NBAS: variants seen among roughly 807,000 people sequenced by gnomAD.
The protein encoded by NBAS is NBAS subunit of NRZ tethering complex.
In NBAS, 219 loss-of-function variants were observed where a neutral mutation model predicts 302.5. The ratio of observed to expected loss-of-function variants is 0.72; its 90% CI spans 0.65 to 0.81. The LOEUF is 0.81. Ranked by LOEUF, NBAS falls within the 30% of genes least tolerant of loss-of-function variation. The probability of loss-of-function intolerance (pLI) is 0.00; values close to 1 mark genes in which losing one functional copy is unlikely to be tolerated. For missense variants in NBAS, 2,932 were observed against 2,841.6 expected, an observed-to-expected ratio of 1.03 and a Z score of -0.72; for synonymous variants, 1,118 against 1,021.6, an observed-to-expected ratio of 1.09 and a Z score of -1.80.
chr2:15,141,421 C>A, the NBAS span, among the ~76,000 whole-genome samples: 1 of 152,192 alleles, frequency 6.6e-6, no homozygotes, highest in South Asian at 2.1e-4. Context: ...CAGGCAGATT[C>A]GTGGTCTTAT....
chr2:14,980,177 G>A, the NBAS span, among the ~76,000 whole-genome samples: 1 of 152,060 alleles, frequency 6.6e-6, no homozygotes, highest in African/African-American at 2.4e-5. Flanking sequence ...CCAGGCAAAA[G>A]CACATGGATG....
At chr2:15,451,244 G>A (rs375844172) in intron 21 of NBAS, among the ~76,000 whole-genome samples, 45 of 152,098 alleles carry the variant, frequency 3.0e-4, no homozygotes, top group African/African-American at 8.9e-4. Flanking sequence ...TAGAGACAGC[G>A]TCTTACTACA....
chr2:14,783,859 T>C, the NBAS span, among the ~76,000 whole-genome samples: 1 of 151,338 alleles, frequency 6.6e-6, no homozygotes, highest in East Asian at 2.0e-4. Context: ...CTGGGTCAAA[T>C]GGTATTTCTA....
chr2:15,100,466 AG>A, the NBAS span, among the ~76,000 whole-genome samples: 1 of 152,224 alleles, frequency 6.6e-6, no homozygotes, highest in East Asian at 1.9e-4. Context: ...TATATATAAC[AG>A]GAAAAGGGAA....
At chr2:14,798,319 G>T in the NBAS span, among the ~76,000 whole-genome samples, 1 of 152,202 alleles carries the variant, frequency 6.6e-6, no homozygotes, top group East Asian at 1.9e-4. Flanking sequence ...ATTTTGTCAA[G>T]TGTTTTTTCT....
At chr2:15,555,378 T>C (rs1455797317) in intron 3 of NBAS, among the ~76,000 whole-genome samples, 1 of 152,002 alleles carries the variant, frequency 6.6e-6, no homozygotes, top group Non-Finnish European at 1.5e-5. Context: ...AACATGTATG[T>C]GAATACTACC....
chr2:14,811,829 T>C, the NBAS span, among the ~76,000 whole-genome samples: 6 of 152,140 alleles, frequency 3.9e-5, no homozygotes, highest in Non-Finnish European at 2.9e-5. Context: ...GTTAGCAGAA[T>C]AGAACTGACA....
the NBAS span, among the ~76,000 whole-genome samples, chr2:14,785,761 G>A: frequency 6.6e-6 from 1 of 152,178 alleles, no homozygotes; most frequent in African/African-American, 2.4e-5. Context: ...TGTTCATCAA[G>A]GATATTGGTC....
intron 9 of NBAS, among the ~76,000 whole-genome samples, chr2:15,511,834 G>A (rs938256989): frequency 5.3e-5 from 8 of 152,192 alleles, no homozygotes; most frequent in Admixed American, 3.9e-4. Flanking sequence ...TGGTAGTTTA[G>A]CTGCACACTA....
chr2:14,999,204 C>T, the NBAS span, among the ~76,000 whole-genome samples: 8 of 152,122 alleles, frequency 5.3e-5, no homozygotes, highest in South Asian at 6.2e-4. Flanking sequence ...TTCCCTCTCT[C>T]GGTGGAGAAG....
chr2:14,961,850 C>T, the NBAS span, among the ~76,000 whole-genome samples: 1 of 152,128 alleles, frequency 6.6e-6, no homozygotes, highest in Non-Finnish European at 1.5e-5. Flanking sequence ...ACAATGTTGG[C>T]TCACTGCAAC....
chr2:15,058,694 A>G, the NBAS span, among the ~76,000 whole-genome samples: 1 of 152,112 alleles, frequency 6.6e-6, no homozygotes. Flanking sequence ...AGCAGCTGGG[A>G]TTATGGGGTC....
intron 38 of NBAS, among the ~76,000 whole-genome samples, chr2:15,318,954 T>C (rs895407865): frequency 1.3e-5 from 2 of 152,022 alleles, no homozygotes; most frequent in Non-Finnish European, 2.9e-5. Flanking sequence ...ACATTCTTCT[T>C]GCACCACATC....
chr2:15,160,136 A>G, the NBAS span, among the ~76,000 whole-genome samples: 35 of 152,228 alleles, frequency 2.3e-4, no homozygotes, highest in East Asian at 5.0e-3. Context: ...TGGGGATGAC[A>G]AGGTTGGAGT....
At chr2:14,995,788 C>A in the NBAS span, among the ~76,000 whole-genome samples, 7 of 152,142 alleles carry the variant, frequency 4.6e-5, 1 homozygote, top group African/African-American at 1.4e-4. Context: ...CAGGCATGAT[C>A]ATAGCTCATG....
chr2:15,068,985 G>A, the NBAS span, among the ~76,000 whole-genome samples: 2 of 152,072 alleles, frequency 1.3e-5, no homozygotes, highest in Non-Finnish European at 2.9e-5. Context: ...CACATGGTTG[G>A]GGGGGCTTAG....
At chr2:15,511,080 G>T (rs1194812243) in intron 10 of NBAS, 132 bp downstream of exon 10, 14 of 1,097,418 alleles carry the variant, frequency 1.3e-5, no homozygotes, top group Non-Finnish European at 1.8e-5. Flanking sequence ...AATTATACCA[G>T]CATTAATTCA....
chr2:15,390,181 C>A (rs1257282274), intron 28 of NBAS, among the ~76,000 whole-genome samples: 1 of 152,188 alleles, frequency 6.6e-6, no homozygotes, highest in Non-Finnish European at 1.5e-5. Context: ...TCAAGACACA[C>A]AGGCATTAAG....
chr2:15,013,537 C>A, the NBAS span, among the ~76,000 whole-genome samples: 2 of 152,122 alleles, frequency 1.3e-5, no homozygotes, highest in Admixed American at 1.3e-4. Flanking sequence ...GTAATCCCAA[C>A]ACTTTAGAAG....
Sources: allele counts gnomAD v4.1 joint callset (sites outside exome capture counted in the v4.1 genomes callset), GRCh38; gene constraint gnomAD v4.1.1; transcripts MANE v1.5; gene names NCBI Gene and HGNC (gene_info 2026-07-23, HGNC 2026-07-21).